Variants in MYH6 observed in about 807,000 individuals in gnomAD.
MYH6 encodes myosin-6.
A neutral mutation model predicts 223.2 loss-of-function variants in MYH6; 126 were observed. That is an observed-to-expected ratio of 0.56 (90% CI 0.49 to 0.65). MYH6 has a LOEUF of 0.65. Among genes scored for constraint, MYH6 ranks in the 30% least tolerant of loss-of-function variants. The pLI, the probability that MYH6 is intolerant of heterozygous loss-of-function variation, is 0.00. For synonymous variants in MYH6, 978 were observed against 1,010.2 expected (o/e 0.97, Z 0.61); for missense variants, 2,040 against 2,536.4 (o/e 0.80, Z 4.20).
At chr14:23,394,846 G>T (rs1891347582) in intron 20 of MYH6, among the ~76,000 whole-genome samples, 1 of 152,106 alleles carries the variant, frequency 6.6e-6, no homozygotes, top group African/African-American at 2.4e-5. Flanking sequence ...AACCACATAT[G>T]AATGTATCTT....
chr14:23,403,529 AG>A (rs1891678424), intron 9 of MYH6, 83 bp from the exon 10 acceptor site: 4 of 1,270,654 alleles, frequency 3.1e-6, no homozygotes, highest in Admixed American at 1.7e-5. Context: ...GGCAGAGGGC[AG>A]GGGGCACCCA....
intron 29 of MYH6, 59 bp from the exon 30 acceptor site, chr14:23,388,397 G>A: frequency 6.2e-7 from 1 of 1,603,744 alleles, no homozygotes; most frequent in East Asian, 2.2e-5. Flanking sequence ...CTGGAGCCTT[G>A]GGTGGACCTC....
In MYH6 at chr14:23,406,913, T is replaced by C. The variant is rs565864138; in HGVS notation, c.201+110A>G. On this transcript the variant is annotated intron_variant, in intron 3 of 38. Coordinates refer to ENST00000405093, the MANE Select transcript of MYH6 (RefSeq NM_002471.4). ...AAGGAGCATGTCCTGGCATCCCCAC[T>C]GGCCTTGGCTTTTCTCCAGCCCTCT... 6.7e-6 allele frequency: 8 copies of C among 1,197,950 alleles called. No homozygotes were observed. In the African/African-American group the frequency reaches 1.0e-4, roughly 16 times the overall value. 74.2% of individuals were successfully genotyped at this position (1,197,950 alleles called of 1,614,324 possible).
At chr14:23,395,241 T>C (rs1595057610) in intron 20 of MYH6, among the ~76,000 whole-genome samples, 1 of 152,254 alleles carries the variant, frequency 6.6e-6, no homozygotes. Context: ...TCATACTGTA[T>C]GTATCCTTCC....
At chr14:23,399,108 T>C (rs776258878) in intron 14 of MYH6, 71 bp from the exon 15 acceptor site, 19 of 1,581,256 alleles carry the variant, frequency 1.2e-5, no homozygotes, top group Non-Finnish European at 1.6e-5. Flanking sequence ...TCCCATACCC[T>C]GACAGGAAAA....
chr14:23,388,446 G>A (rs762503081), intron 29 of MYH6, 108 bp from the exon 30 acceptor site: 21 of 1,531,184 alleles, frequency 1.4e-5, no homozygotes, highest in African/African-American at 2.7e-5. Flanking sequence ...GACACCGTAA[G>A]TCCAGCCTAG....
Position 23,387,771 on chromosome 14 carries a change from G to A in MYH6, c.4512C>T (p.Asn1504=). The change falls in exon 31 of 39, where the codon AAC becomes AAT. Residue 1504 remains asparagine (N), a synonymous_variant. Transcript: ENST00000405093. ...CCCCCAGCACACCCTGAAGGTTCTTGTTCTCCCGCTTGAAGGTCTCTAGGT... is the reference window on the plus strand; with the variant it reads ...CCCCCAGCACACCCTGAAGGTTCTTATTCTCCCGCTTGAAGGTCTCTAGGT... ...LEHLETFKRE[N]KNLQEEISDL... is the part of the protein sequence containing the mutation. The A allele has an allele frequency of 1.2e-6, 2 of 1,614,002 alleles. No individual in the cohort carries two copies. Among genetic ancestry groups the A allele is most frequent in the South Asian group, 1.1e-5 (1 of 91,070 alleles).
chr14:23,399,310 C>T (rs1891526075), intron 14 of MYH6, among the ~76,000 whole-genome samples: 1 of 152,220 alleles, frequency 6.6e-6, no homozygotes, highest in South Asian at 2.1e-4. Flanking sequence ...AGCACAGCCC[C>T]TTCTCTCTGA....
intron 8 of MYH6, 38 bp downstream of exon 8, chr14:23,404,258 G>C: frequency 6.2e-6 from 10 of 1,608,302 alleles, no homozygotes; most frequent in Non-Finnish European, 8.5e-6. Flanking sequence ...TCTTGTCAAG[G>C]CTGGATGAGG....
chr14:23,395,362 A>G (rs1891360948), intron 20 of MYH6, among the ~76,000 whole-genome samples: 1 of 152,218 alleles, frequency 6.6e-6, no homozygotes, highest in Non-Finnish European at 1.5e-5. Flanking sequence ...GAATGACTGT[A>G]ATACTATTTA....
In MYH6 at chr14:23,404,353, G is replaced by A. The variant is rs768893926; in HGVS notation, c.678C>T (p.Pro226=). The A allele has an allele frequency of 2.8e-5, 45 of 1,614,124 alleles. No homozygotes were observed. The highest frequency in any genetic ancestry group is 2.0e-4 in the African/African-American group (15 of 74,950). ...TGGCATTGCCGAAGGCCTCCAGAGCGGGGTTGGCCTGGATGATCTGGTCCT... is the reference window on the plus strand; with the variant it reads ...TGGCATTGCCGAAGGCCTCCAGAGCAGGGTTGGCCTGGATGATCTGGTCCT... ...TLEDQIIQAN[P]ALEAFGNAKT... is the part of the protein sequence containing the mutation. The change falls in exon 8 of 39, where the codon CCC becomes CCT. Residue 226 remains proline (P), a synonymous_variant. Transcript: ENST00000405093.
rs1891281073 is a variant in MYH6 at position 23,392,962 on chromosome 14, G to T, written c.3201C>A (p.Ser1067Arg). 1.2e-5 allele frequency: 20 copies of T among 1,614,188 alleles called. No individual in the cohort carries two copies. The highest frequency in any genetic ancestry group is 1.7e-5 in the Non-Finnish European group (20 of 1,180,034). ...GTTTATCATTTTCCAGGTCCATGATGCTCTCCTGGGTCAGCTTCAGGTCGC... is the reference window on the plus strand; with the variant it reads ...GTTTATCATTTTCCAGGTCCATGATTCTCTCCTGGGTCAGCTTCAGGTCGC... ...LEGDLKLTQE[S>R]IMDLENDKLQ... The change falls in exon 24 of 39, where the codon AGC (serine) becomes AGA (arginine). Residue 1067 changes from serine to arginine, a missense_variant. By Grantham distance (110) the Ser-to-Arg change is moderately radical. Transcript: ENST00000405093.
At chr14:23,388,110 C>T (rs1188687213) in intron 30 of MYH6, 45 bp downstream of exon 30, 6 of 1,612,032 alleles carry the variant, frequency 3.7e-6, no homozygotes, top group Non-Finnish European at 4.2e-6. Context: ...ACCCCTCATG[C>T]CCCCTTGCCC....
At chr14:23,397,965 T>TTCC (rs1566512570) in intron 15 of MYH6, among the ~76,000 whole-genome samples, 23 of 125,832 alleles carry the variant, frequency 1.8e-4, no homozygotes, top group African/African-American at 7.2e-4. Context: ...CTTCTTCTTC[T>TTCC]TCTTCTTCTT....
In MYH6 at chr14:23,387,722, C is replaced by G. The variant is rs762974987; in HGVS notation, c.4525+36G>C. On this transcript the variant is annotated intron_variant, in intron 31 of 38. Coordinates refer to ENST00000405093, the MANE Select transcript of MYH6 (RefSeq NM_002471.4). Reference sequence around the variant, plus strand: ...TGCCCCTGCATGGCCCTCCCTCCCACCAACTCATCTCTGGCCTCTTGGACC... The same window carrying G: ...TGCCCCTGCATGGCCCTCCCTCCCAGCAACTCATCTCTGGCCTCTTGGACC... The G allele has an allele frequency of 1.2e-5, 20 of 1,614,014 alleles. No homozygotes were observed. The East Asian group carries it at 4.2e-4, about 34-fold the overall frequency.
chr14:23,388,930 C>G lies in MYH6; in HGVS notation c.4104G>C (p.Ser1368=), dbSNP rs374887637. ...ELQRVLSKAN[S]EVAQWRTKYE... ...ACTTGGTCCTCCACTGGGCCACCTC[C>G]GAGTTGGCCTTGGACAGGACGCGCT... The change falls in exon 29 of 39, where the codon TCG becomes TCC. Residue 1368 remains serine, a synonymous_variant. Transcript: ENST00000405093. The G allele has an allele frequency of 2.5e-6, 4 of 1,613,810 alleles. No homozygotes were observed. The highest frequency in any genetic ancestry group is 2.5e-6 in the Non-Finnish European group (3 of 1,180,038).
chr14:23,393,167 C>T lies in MYH6; in HGVS notation c.3106-110G>A, dbSNP rs1407346227. On this transcript the variant is annotated intron_variant, in intron 23 of 38. Transcript: ENST00000405093. ...CCAGTGGGATTGGAAGTCAAACCAACAGAGAAATCCTGCAAGCACAAAGGA... is the reference window on the plus strand; with the variant it reads ...CCAGTGGGATTGGAAGTCAAACCAATAGAGAAATCCTGCAAGCACAAAGGA... 4 of 1,518,000 alleles carry T rather than the reference C, an allele frequency of 2.6e-6. No homozygotes were observed. The African/African-American group carries it at 4.1e-5, about 16-fold the overall frequency. The allele number at this position is 1,518,000 out of a possible 1,614,324, so 94.0% of individuals were successfully genotyped here.
In MYH6 at chr14:23,386,420, C is replaced by G. The variant is rs766153681; in HGVS notation, c.4854G>C (p.Lys1618Asn). The change falls in exon 33 of 39, where the codon AAG becomes AAC. Residue 1618 changes from lysine (K) to asparagine (N), a missense_variant. Lys to Asn is a moderately conservative substitution (Grantham distance 94). Coordinates refer to ENST00000405093, the MANE Select transcript of MYH6 (RefSeq NM_002471.4). ...RSRNEVLRVK[K>N]KMEGDLNEME... is the part of the protein sequence containing the mutation. ...TCTCATTGAGGTCTCCTTCCATCTT[C>G]TTCTTCACCCTCAGGACCTCGTTGC... is the stretch of plus-strand genomic sequence containing the variant. The G allele has an allele frequency of 1.2e-5, 20 of 1,614,098 alleles. No individual in the cohort carries two copies. The Admixed American group carries it at 2.0e-4, about 16-fold the overall frequency.
At chr14:23,387,387 A>G in intron 32 of MYH6, 142 bp downstream of exon 32, 1 of 1,303,922 alleles carries the variant, frequency 7.7e-7, no homozygotes, top group Non-Finnish European at 1.1e-6. Context: ...AGTCATGGGT[A>G]GTGAATAGTG....
Sources: gnomAD v4.1 joint callset for allele counts (sites outside exome capture counted in the v4.1 genomes callset) on GRCh38, gnomAD v4.1.1 for gene constraint, MANE v1.5 for transcripts, NCBI Gene and HGNC (gene_info 2026-07-23, HGNC 2026-07-21) for gene names.